WWP2: variants seen among roughly 807,000 people sequenced by gnomAD.
WWP2 encodes the protein WW domain containing E3 ubiquitin protein ligase 2, also known as NEDD4-like E3 ubiquitin-protein ligase WWP2.
In WWP2, 57 loss-of-function variants were observed where a neutral mutation model predicts 121.0. That is an observed-to-expected ratio of 0.47 (90% CI 0.38 to 0.59). The LOEUF (loss-of-function observed/expected upper bound fraction) is 0.59, where lower values mean the gene tolerates loss of function less well. Among genes scored for constraint, WWP2 ranks in the 20% least tolerant of loss-of-function variants. The probability of loss-of-function intolerance (pLI) is 0.00; values close to 1 mark genes in which losing one functional copy is unlikely to be tolerated. For synonymous variants in WWP2, 449 were observed against 441.3 expected, an observed-to-expected ratio of 1.02 and a Z score of -0.22; for missense variants, 962 against 1,158.9, an observed-to-expected ratio of 0.83 and a Z score of 2.47.
chr16:69,940,016 G>A lies in WWP2; in HGVS notation c.*76G>A, dbSNP rs1240511272. The A allele has an allele frequency of 1.0e-5, 13 of 1,275,940 alleles. No homozygotes were observed. Among genetic ancestry groups the A allele is most frequent in the South Asian group, 6.9e-5 (5 of 72,784 alleles). 79.0% of individuals were successfully genotyped at this position (1,275,940 alleles called of 1,614,324 possible). On this transcript the variant is annotated 3_prime_UTR_variant, in exon 24 of 24. Transcript: ENST00000359154. ...CCCTGCCTGAGAGGCCACTGGCCCC[G>A]CAGCCCTTGGGAGGCCCCCGTGGAT...
intron 2 of WWP2, among the ~76,000 whole-genome samples, chr16:69,793,084 G>A (rs1034415903): frequency 3.9e-5 from 6 of 152,098 alleles, no homozygotes; most frequent in South Asian, 2.1e-4. Context: ...TGCTGGGCGC[G>A]GTGGCTCATG....
intron 7 of WWP2, among the ~76,000 whole-genome samples, chr16:69,872,299 C>T (rs944233921): frequency 6.6e-6 from 1 of 151,940 alleles, no homozygotes; most frequent in African/African-American, 2.4e-5. Flanking sequence ...TCACTGCAAG[C>T]TCCGCCTCCC....
intron 4 of WWP2, among the ~76,000 whole-genome samples, chr16:69,821,724 CTTT>C (rs557543615): frequency 0.028 from 3,682 of 130,750 alleles, 38 homozygotes; most frequent in Non-Finnish European, 0.044. Context: ...TTCTTTCTTA[CTTT>C]TTTTTTTTTT....
intron 4 of WWP2, among the ~76,000 whole-genome samples, chr16:69,806,681 A>G (rs556551124): frequency 5.9e-5 from 9 of 152,282 alleles, no homozygotes; most frequent in South Asian, 2.1e-4. Flanking sequence ...GAGATTTTCA[A>G]ATTTATTAGA....
At chr16:69,779,009 G>A (rs1206657205) in intron 1 of WWP2, among the ~76,000 whole-genome samples, 2 of 149,970 alleles carry the variant, frequency 1.3e-5, no homozygotes, top group Non-Finnish European at 3.0e-5. Flanking sequence ...GAGTGCAATG[G>A]TGCAATCTTG....
chr16:69,778,435 G>A (rs1156861665), intron 1 of WWP2, among the ~76,000 whole-genome samples: 2 of 151,910 alleles, frequency 1.3e-5, no homozygotes, highest in African/African-American at 4.8e-5. Context: ...TATTAGCAGG[G>A]GAGAAATTAC....
chr16:69,907,935 G>A (rs566658065), intron 8 of WWP2, among the ~76,000 whole-genome samples: 87 of 152,256 alleles, frequency 5.7e-4, no homozygotes, highest in Admixed American at 2.0e-3. Context: ...GAGGAGAGGG[G>A]TAGTCATAGA....
intron 6 of WWP2, among the ~76,000 whole-genome samples, chr16:69,842,421 C>T (rs1036002992): frequency 6.6e-6 from 1 of 151,890 alleles, no homozygotes; most frequent in Admixed American, 6.6e-5. Flanking sequence ...TTCTAATGAT[C>T]CTATTGCCCA....
rs2056578290 is a variant in WWP2 at position 69,820,821 on chromosome 16, C to T, written c.341-19305C>T. On this transcript the variant is annotated intron_variant, in intron 4 of 23. Transcript: ENST00000359154. Reference sequence around the variant, plus strand: ...TACAACACAAAACCATGAATACATGCATATACACACACACACACACACACA... The same window carrying T: ...TACAACACAAAACCATGAATACATGTATATACACACACACACACACACACA... 2.4e-5 allele frequency among the ~76,000 whole-genome samples: 3 copies of T among 126,422 alleles called. No individual in the cohort carries two copies. The Admixed American group carries it at 2.7e-4, about 11-fold the overall frequency. 82.9% of individuals were successfully genotyped at this position (126,422 alleles called of 152,430 possible). A position where few individuals can be genotyped will look rare whatever the true frequency, so the allele number is the denominator to read the frequency against.
chr16:69,806,020 G>A (rs1262262229), intron 4 of WWP2, among the ~76,000 whole-genome samples: 1 of 151,816 alleles, frequency 6.6e-6, no homozygotes, highest in African/African-American at 2.4e-5. Flanking sequence ...AACATAGCAA[G>A]ACCCTGTCTC....
At chr16:69,867,640 T>A (rs544937207) in intron 6 of WWP2, among the ~76,000 whole-genome samples, 1 of 152,320 alleles carries the variant, frequency 6.6e-6, no homozygotes, top group Admixed American at 6.5e-5. Context: ...TGGTCGTGGC[T>A]GGCCTGCCTT....
Position 69,917,522 on chromosome 16 carries a change from G to C in WWP2, c.1005-187G>C, listed in dbSNP as rs1490241126. The C allele has an allele frequency of 9.2e-6, 5 of 544,116 alleles. No individual in the cohort carries two copies. In the East Asian group the frequency reaches 1.5e-4, roughly 17 times the overall value. 33.7% of individuals were successfully genotyped at this position (544,116 alleles called of 1,614,324 possible). On this transcript the variant is annotated intron_variant, in intron 9 of 23. Coordinates refer to ENST00000359154, the MANE Select transcript of WWP2 (RefSeq NM_001270454.2). ...CACATGGATCCCCAAATTAGAAATT[G>C]AGAGCTAATGGCAAGGAGGGATTGG... is the stretch of plus-strand genomic sequence containing the variant.
chr16:69,921,592 G>A (rs927769403), intron 10 of WWP2, among the ~76,000 whole-genome samples: 26 of 152,092 alleles, frequency 1.7e-4, no homozygotes, highest in African/African-American at 6.3e-4. Flanking sequence ...GTGTGCTAAT[G>A]TTGCCCGTGA....
At chr16:69,781,723 T>A (rs1231168362) in intron 1 of WWP2, among the ~76,000 whole-genome samples, 1 of 152,102 alleles carries the variant, frequency 6.6e-6, no homozygotes, top group African/African-American at 2.4e-5. Flanking sequence ...ATAAAGAGAC[T>A]AGGTAATTTA....
At chr16:69,812,470 C>T (rs938298801) in intron 4 of WWP2, among the ~76,000 whole-genome samples, 3 of 129,554 alleles carry the variant, frequency 2.3e-5, no homozygotes, top group African/African-American at 1.1e-4. Flanking sequence ...TGCCCCCAAC[C>T]CCCCCCCTTT....
At chr16:69,924,818 G>A (rs1004504400) in intron 10 of WWP2, among the ~76,000 whole-genome samples, 1 of 151,778 alleles carries the variant, frequency 6.6e-6, no homozygotes, top group African/African-American at 2.4e-5. Context: ...TGGGGGAGGT[G>A]AGGGCTTGGG....
At chr16:69,890,248 G>A (rs1295110207) in intron 8 of WWP2, among the ~76,000 whole-genome samples, 2 of 151,272 alleles carry the variant, frequency 1.3e-5, no homozygotes, top group South Asian at 2.1e-4. Flanking sequence ...CCTTTACTAC[G>A]TACGTATTGT....
chr16:69,837,489 G>A (rs2056898000), intron 4 of WWP2, among the ~76,000 whole-genome samples: 1 of 152,146 alleles, frequency 6.6e-6, no homozygotes. Flanking sequence ...AGCTAACTTG[G>A]ATCCCTGAGA....
At chr16:69,792,024 T>TG (rs1277188210) in intron 2 of WWP2, among the ~76,000 whole-genome samples, 1 of 151,798 alleles carries the variant, frequency 6.6e-6, no homozygotes, top group Non-Finnish European at 1.5e-5. Flanking sequence ...AGGAAAATGG[T>TG]GGGGGGAAAG....
Sources: allele counts gnomAD v4.1 joint callset (sites outside exome capture counted in the v4.1 genomes callset), GRCh38; gene constraint gnomAD v4.1.1; transcripts MANE v1.5; gene names NCBI Gene and HGNC (gene_info 2026-07-23, HGNC 2026-07-21).